DLGAP3: variants seen among roughly 807,000 people sequenced by gnomAD.
DLGAP3 encodes the protein DLG associated protein 3.
Under a neutral mutation model 81.2 loss-of-function variants are expected in DLGAP3, and 17 were observed. That is an observed-to-expected ratio of 0.21 (90% CI 0.14 to 0.31). The LOEUF is 0.31. DLGAP3 is among the 10% of genes least tolerant of loss of function. The probability of loss-of-function intolerance (pLI) is 1.00; values close to 1 mark genes in which losing one functional copy is unlikely to be tolerated. For missense variants in DLGAP3, 1,124 were observed against 1,388.0 expected, an observed-to-expected ratio of 0.81 and a Z score of 3.02; for synonymous variants, 577 against 587.4, an observed-to-expected ratio of 0.98 and a Z score of 0.26.
In DLGAP3 at chr1:34,868,770, A is replaced by C; in HGVS notation, c.2320T>G (p.Trp774Gly). 6.3e-7 allele frequency: 1 copy of C among 1,599,882 alleles called. No homozygotes were observed. Among genetic ancestry groups the C allele is most frequent in the Non-Finnish European group, 8.5e-7 (1 of 1,176,156 alleles). ...PGPGAGRRDS[W>G]IERGSRSLPD... ...AGGCTACGTGAACCGCGCTCTATCC[A>C]GGAGTCACGGCGGCCGGCCCCAGGG... Residue 774 changes from tryptophan to glycine, a missense_variant, in exon 9 of 12, where the codon TGG becomes GGG. Physicochemically the swap from Trp to Gly is radical, Grantham distance 184. Around this residue, in one of 9 missense-constraint regions of DLGAP3, gnomAD observed 379 missense variants for 455.7 expected, o/e 0.83. Coordinates refer to ENST00000373347, the MANE Select transcript of DLGAP3 (RefSeq NM_001080418.3). This position sits in a 1 kb window ranked among gnomAD's most constrained non-coding sequence, Gnocchi z 7.5.
intron 8 of DLGAP3, among the ~76,000 whole-genome samples, chr1:34,883,439 A>G (rs1035815812): frequency 6.6e-6 from 1 of 152,206 alleles, no homozygotes; most frequent in African/African-American, 2.4e-5. Flanking sequence ...CTAGACAAGG[A>G]ACCAAAAAGC....
chr1:34,921,896 C>T (rs1639801695), intron 1 of DLGAP3, among the ~76,000 whole-genome samples: 1 of 152,142 alleles, frequency 6.6e-6, no homozygotes, highest in African/African-American at 2.4e-5. Context: ...AATGGATGTG[C>T]ATGTTAGAAA....
At position 34,867,497 on chromosome 1, in the gene DLGAP3, C is replaced by A; in HGVS notation, c.2577+39G>T. On this transcript the variant is annotated intron_variant, in intron 10 of 11. Coordinates refer to ENST00000373347, the MANE Select transcript of DLGAP3 (RefSeq NM_001080418.3). This position sits in a 1 kb window ranked among gnomAD's most constrained non-coding sequence, Gnocchi z 4.3. ...CCTCCAGCACACACACACTCTGGGT[C>A]ACATGTATCTGGTAGGATCTACTAC... 6.5e-7 allele frequency: 1 copy of A among 1,546,666 alleles called. No homozygotes were observed. The highest frequency in any genetic ancestry group is 1.1e-5 in the South Asian group (1 of 89,696).
intron 11 of DLGAP3, among the ~76,000 whole-genome samples, 179 bp downstream of exon 11, chr1:34,866,869 G>A (rs1390903514): frequency 6.6e-6 from 1 of 152,188 alleles, no homozygotes; most frequent in Non-Finnish European, 1.5e-5. Context: ...CCAAGCAGAC[G>A]GCAGTGGCCA....
intron 8 of DLGAP3, among the ~76,000 whole-genome samples, chr1:34,876,454 G>A (rs1422534806): frequency 2.0e-5 from 3 of 152,214 alleles, no homozygotes; most frequent in African/African-American, 7.2e-5. Flanking sequence ...AAATGGGGCT[G>A]GGCTGTGTGT....
At chr1:34,911,600 A>G (rs1240844476) in intron 1 of DLGAP3, among the ~76,000 whole-genome samples, 1 of 152,160 alleles carries the variant, frequency 6.6e-6, no homozygotes, top group Admixed American at 6.5e-5. Flanking sequence ...TGTGTGACAA[A>G]TTCTTCTCTG....
In DLGAP3 at chr1:34,876,175, G is replaced by A. The variant is rs1569601259; in HGVS notation, c.2001-7086C>T. ...TGGCGGGGGGGTGGGGGTGTGCAGT[G>A]GAGATAGAACTGAAGGGGTGCCAGC... On this transcript the variant is annotated intron_variant, in intron 8 of 11. Coordinates refer to ENST00000373347, the MANE Select transcript of DLGAP3 (RefSeq NM_001080418.3). 1.3e-5 allele frequency among the ~76,000 whole-genome samples: 2 copies of A among 152,192 alleles called. 1 individual carries two copies. The highest frequency in any genetic ancestry group is 4.1e-4 in the South Asian group (2 of 4,828).
Position 34,900,361 on chromosome 1 carries a change from C to T in DLGAP3, c.1108-88G>A, listed in dbSNP as rs1029814666. ...TTTCCCCACTGCCAGTGGGAGATGC[C>T]CTGCCCTGGCTTGAACAGGCACACT... On this transcript the variant is annotated intron_variant, in intron 3 of 11. Transcript: ENST00000373347. The surrounding 1 kb of genome is among the most constrained non-coding windows in gnomAD (Gnocchi z 5.6). The T allele has an allele frequency of 9.3e-6, 13 of 1,401,922 alleles. No individual in the cohort carries two copies. Among genetic ancestry groups the T allele is most frequent in the Non-Finnish European group, 1.2e-5 (12 of 997,308 alleles). 86.8% of individuals were successfully genotyped at this position (1,401,922 alleles called of 1,614,324 possible).
intron 5 of DLGAP3, among the ~76,000 whole-genome samples, chr1:34,894,173 C>A (rs1312812846): frequency 1.3e-5 from 2 of 148,972 alleles, no homozygotes; most frequent in African/African-American, 4.9e-5. Flanking sequence ...AATGACAGAG[C>A]AAGACCCTTC....
chr1:34,873,555 G>A lies in DLGAP3; in HGVS notation c.2001-4466C>T, dbSNP rs1036257842. On this transcript the variant is annotated intron_variant, in intron 8 of 11. Coordinates refer to ENST00000373347, the MANE Select transcript of DLGAP3 (RefSeq NM_001080418.3). This position sits in a 1 kb window ranked among gnomAD's most constrained non-coding sequence, Gnocchi z 4.2. ...GAACAGCACCCTGCCTGCCCATTGT[G>A]TTAGCTATTCTAGAGAAGTAGAATG... Among the ~76,000 whole-genome samples the A allele has an allele frequency of 1.3e-5, 2 of 152,208 alleles. No individual in the cohort carries two copies. The highest frequency in any genetic ancestry group is 2.9e-5 in the Non-Finnish European group (2 of 68,032).
intron 11 of DLGAP3, 24 bp from the exon 12 acceptor site, chr1:34,866,325 A>C: frequency 6.7e-7 from 1 of 1,489,824 alleles, no homozygotes; most frequent in Non-Finnish European, 9.0e-7. Flanking sequence ...GGCGTCGCTG[A>C]GCTGGGGCGC....
At chr1:34,899,087 C>CCTTTTTTT (rs1557483006) in intron 5 of DLGAP3, among the ~76,000 whole-genome samples, 1 of 142,114 alleles carries the variant, frequency 7.0e-6, no homozygotes. Flanking sequence ...ATCAATTCTA[C>CCTTTTTTT]TTTTTTTTTT....
intron 5 of DLGAP3, among the ~76,000 whole-genome samples, chr1:34,889,406 A>G (rs1302913035): frequency 6.6e-6 from 1 of 152,138 alleles, no homozygotes; most frequent in Non-Finnish European, 1.5e-5. Context: ...ACAGTTATAA[A>G]ACTGTAACAT....
rs576058059 is a variant in DLGAP3, at chr1:34,895,194, C to T, written c.1386+4475G>A. 1.3e-5 allele frequency among the ~76,000 whole-genome samples: 2 copies of T among 151,980 alleles called. No individual in the cohort carries two copies. Among genetic ancestry groups the T allele is most frequent in the African/African-American group, 4.8e-5 (2 of 41,470 alleles). On this transcript the variant is annotated intron_variant, in intron 5 of 11. Transcript: ENST00000373347. The surrounding 1 kb of genome is among the most constrained non-coding windows in gnomAD (Gnocchi z 4.5). ...GATCCTGGCTAACACGGTGAAACCC[C>T]GTCTGTACTAAAAATACAAAAAAAT...
At chr1:34,874,890 A>G (rs1449642447) in intron 8 of DLGAP3, among the ~76,000 whole-genome samples, 1 of 152,060 alleles carries the variant, frequency 6.6e-6, no homozygotes, top group Non-Finnish European at 1.5e-5. Flanking sequence ...CCTTCAAACT[A>G]GCTTCTATAG....
chr1:34,915,145 A>G (rs1639697694), intron 1 of DLGAP3, among the ~76,000 whole-genome samples: 1 of 152,196 alleles, frequency 6.6e-6, no homozygotes, highest in Non-Finnish European at 1.5e-5. Context: ...CTTTATGCCC[A>G]TGAGCAATTT....
chr1:34,894,813 C>T (rs1381207741), intron 5 of DLGAP3, among the ~76,000 whole-genome samples: 1 of 151,902 alleles, frequency 6.6e-6, no homozygotes, highest in Non-Finnish European at 1.5e-5. Flanking sequence ...CAATCAAGAG[C>T]TAATAATATA....
In DLGAP3 at chr1:34,866,244, G is replaced by C; in HGVS notation, c.2779C>G (p.Pro927Ala). The C allele has an allele frequency of 6.4e-7, 1 of 1,568,730 alleles. No individual in the cohort carries two copies. Among genetic ancestry groups the C allele is most frequent in the Non-Finnish European group, 8.6e-7 (1 of 1,160,312 alleles). The change falls in exon 12 of 12, where the codon CCG becomes GCG. Residue 927 changes from proline to alanine, a missense_variant. Pro to Ala is a conservative substitution (Grantham distance 27). Coordinates refer to ENST00000373347, the MANE Select transcript of DLGAP3 (RefSeq NM_001080418.3). ...PKKPLRGRGV[P>A]VKERSLDSVD... The stretch of plus-strand genomic sequence containing the variant: ...GAGTCCAGGGAGCGCTCCTTCACCG[G>C]CACGCCCCGGCCCCGCAGGGGCTTC...
At chr1:34,876,309 G>T (rs1639055859) in intron 8 of DLGAP3, among the ~76,000 whole-genome samples, 1 of 152,218 alleles carries the variant, frequency 6.6e-6, no homozygotes. Context: ...CCTCACCCAA[G>T]AGGTGAGCAG....
Sources: allele counts gnomAD v4.1 joint callset (sites outside exome capture counted in the v4.1 genomes callset), GRCh38; gene constraint gnomAD v4.1.1; regional missense constraint gnomAD v4.1.1; non-coding constraint Gnocchi (gnomAD v3.1); transcripts MANE v1.5; gene names NCBI Gene and HGNC (gene_info 2026-07-23, HGNC 2026-07-21).